ITGBL1: variants seen among roughly 807,000 people sequenced by gnomAD.
ITGBL1 encodes integrin beta-like protein 1.
In ITGBL1, 51 loss-of-function variants were observed where a neutral mutation model predicts 68.5. That is an observed-to-expected ratio of 0.74 (90% confidence interval 0.59 to 0.94). The LOEUF (loss-of-function observed/expected upper bound fraction) is 0.94. ITGBL1 is among the 40% of genes least tolerant of loss of function. ITGBL1 has a pLI of 0.00. For missense variants in ITGBL1, 649 were observed against 647.4 expected, an observed-to-expected ratio of 1.00 and a Z score of -0.03; for synonymous variants, 209 against 227.3, an observed-to-expected ratio of 0.92 and a Z score of 0.72.
chr13:101,655,690 A>G (rs549892275), intron 7 of ITGBL1, among the ~76,000 whole-genome samples: 3 of 152,124 alleles, frequency 2.0e-5, no homozygotes, highest in Non-Finnish European at 2.9e-5. Flanking sequence ...TTGCTTCTCC[A>G]TTGTTAAATC....
chr13:101,597,234 A>G (rs1413894363), intron 6 of ITGBL1, among the ~76,000 whole-genome samples: 1 of 152,118 alleles, frequency 6.6e-6, no homozygotes. Flanking sequence ...CTGCTCTAAA[A>G]AGAAAACAGT....
chr13:101,481,069 TACATATATATACAC>T (rs1428333491), intron 2 of ITGBL1, among the ~76,000 whole-genome samples: 10 of 38,678 alleles, frequency 2.6e-4, no homozygotes, highest in Non-Finnish European at 4.7e-4. Flanking sequence ...TACACACACA[TACATATATATACAC>T]ACATATATAT....
chr13:101,554,080 G>T (rs1207273702), intron 2 of ITGBL1, among the ~76,000 whole-genome samples: 2 of 152,194 alleles, frequency 1.3e-5, no homozygotes, highest in African/African-American at 4.8e-5. Flanking sequence ...CCCGGCCGAG[G>T]TTTCCCCTTT....
At chr13:101,481,730 T>C (rs943517157) in intron 2 of ITGBL1, among the ~76,000 whole-genome samples, 4 of 152,188 alleles carry the variant, frequency 2.6e-5, no homozygotes, top group Non-Finnish European at 5.9e-5. Context: ...CTATATATAC[T>C]CCTCACTAAC....
chr13:101,473,200 T>C (rs1270704445), intron 2 of ITGBL1, among the ~76,000 whole-genome samples: 2 of 152,054 alleles, frequency 1.3e-5, no homozygotes, highest in East Asian at 1.9e-4. Context: ...AAAAACCAGA[T>C]GAGTGATCAC....
intron 2 of ITGBL1, among the ~76,000 whole-genome samples, chr13:101,561,060 T>C (rs1433967284): frequency 6.6e-6 from 1 of 152,154 alleles, no homozygotes; most frequent in Non-Finnish European, 1.5e-5. Context: ...TGGAGATAGA[T>C]AGGCAGATGA....
intron 2 of ITGBL1, among the ~76,000 whole-genome samples, chr13:101,562,643 A>G (rs2050118422): frequency 6.6e-6 from 1 of 151,982 alleles, no homozygotes; most frequent in Non-Finnish European, 1.5e-5. Context: ...AAGTATATAT[A>G]CACATAAAGC....
Position 101,597,941 on chromosome 13 carries a change from T to A in ITGBL1, c.869-212T>A, listed in dbSNP as rs139248481. Among the ~76,000 whole-genome samples the A allele has an allele frequency of 3.2e-3, 483 of 152,284 alleles. 1 individual carries two copies. Among genetic ancestry groups the A allele is most frequent in the African/African-American group, 0.011 (459 of 41,556 alleles). On this transcript the variant is annotated intron_variant, in intron 6 of 10. Transcript: ENST00000376180. ...AAGTTTATAGCCTTACTAAACTGTTTATCTTATCTGTTGCTTTTCTCTACC... is the reference window on the plus strand; with the variant it reads ...AAGTTTATAGCCTTACTAAACTGTTAATCTTATCTGTTGCTTTTCTCTACC...
At chr13:101,516,197 GAT>G (rs750815901) in intron 2 of ITGBL1, among the ~76,000 whole-genome samples, 4 of 152,038 alleles carry the variant, frequency 2.6e-5, no homozygotes, top group Non-Finnish European at 5.9e-5. Flanking sequence ...ATTATGTTTT[GAT>G]ATGTGTTTTT....
chr13:101,487,940 C>T (rs1219310900), intron 2 of ITGBL1, among the ~76,000 whole-genome samples: 1 of 152,162 alleles, frequency 6.6e-6, no homozygotes, highest in Admixed American at 6.5e-5. Flanking sequence ...GAAACTGGCA[C>T]AGGGGGCCTG....
intron 7 of ITGBL1, among the ~76,000 whole-genome samples, chr13:101,604,577 G>C (rs1011743575): frequency 1.3e-4 from 19 of 151,262 alleles, no homozygotes; most frequent in Admixed American, 1.1e-3. Context: ...AGTGCCTTTG[G>C]TCAAGGTCAC....
chr13:101,520,255 CAAAAT>C (rs2049263346), intron 2 of ITGBL1, among the ~76,000 whole-genome samples: 1 of 152,110 alleles, frequency 6.6e-6, no homozygotes, highest in Admixed American at 6.6e-5. Context: ...CTTTTTGACA[CAAAAT>C]AAATAAGATG....
At chr13:101,688,486 A>G (rs1013129903) in intron 7 of ITGBL1, among the ~76,000 whole-genome samples, 1 of 152,164 alleles carries the variant, frequency 6.6e-6, no homozygotes, top group Non-Finnish European at 1.5e-5. Flanking sequence ...AGTGCTCTAT[A>G]ATTGCTGGAT....
chr13:101,592,102 C>T (rs993523703), intron 6 of ITGBL1, among the ~76,000 whole-genome samples: 36 of 152,232 alleles, frequency 2.4e-4, no homozygotes, highest in South Asian at 1.0e-3. Flanking sequence ...AGGATTTGAA[C>T]CCATTATTTT....
At chr13:101,551,535 G>C (rs1226955791) in intron 2 of ITGBL1, among the ~76,000 whole-genome samples, 1 of 152,178 alleles carries the variant, frequency 6.6e-6, no homozygotes, top group African/African-American at 2.4e-5. Flanking sequence ...AGTTCAGGAA[G>C]GGAGGGGATT....
intron 7 of ITGBL1, among the ~76,000 whole-genome samples, chr13:101,599,025 A>G (rs1366200697): frequency 6.6e-6 from 1 of 152,160 alleles, no homozygotes; most frequent in African/African-American, 2.4e-5. Flanking sequence ...ACTTCCACAA[A>G]GGTTGAACTA....
At chr13:101,614,278 A>G (rs2031261061) in intron 7 of ITGBL1, among the ~76,000 whole-genome samples, 1 of 152,152 alleles carries the variant, frequency 6.6e-6, no homozygotes, top group Non-Finnish European at 1.5e-5. Flanking sequence ...TTCTGCTTTG[A>G]AAAATAATAT....
intron 1 of ITGBL1, 64 bp from the exon 2 acceptor site, chr13:101,453,819 G>C: frequency 9.1e-7 from 1 of 1,098,710 alleles, no homozygotes; most frequent in Non-Finnish European, 1.1e-6. Flanking sequence ...AGGAAACGTG[G>C]GTTCGGAGCA....
Position 101,564,138 on chromosome 13 carries a change from A to C in ITGBL1, c.317-3561A>C, listed in dbSNP as rs532505831. Among the ~76,000 whole-genome samples the C allele has an allele frequency of 5.3e-5, 8 of 152,062 alleles. No homozygotes were observed. In the South Asian group the frequency reaches 1.4e-3, roughly 28 times the overall value. On this transcript the variant is annotated intron_variant, in intron 2 of 10. Transcript: ENST00000376180. ...CAAGCTTTTTTGCTGATGTCAACAT[A>C]CTGATTCTAGACTTTATATAGAAAA...
Sources: gnomAD v4.1 joint callset for allele counts (sites outside exome capture counted in the v4.1 genomes callset) on GRCh38, gnomAD v4.1.1 for gene constraint, MANE v1.5 for transcripts, NCBI Gene and HGNC (gene_info 2026-07-23, HGNC 2026-07-21) for gene names.